The following L3HYPDH variants were observed in gnomAD, a reference collection of about 807,000 sequenced individuals.
The protein encoded by L3HYPDH is trans-L-3-hydroxyproline dehydratase.
A neutral mutation model predicts 26.5 loss-of-function variants in L3HYPDH; 32 were observed. The ratio of observed to expected loss-of-function variants is 1.21; its 90% CI spans 0.91 to 1.62. The LOEUF (loss-of-function observed/expected upper bound fraction) is 1.62, where lower values mean the gene tolerates loss of function less well. Among genes scored for constraint, L3HYPDH ranks in the 40% most tolerant of loss-of-function variants. The pLI is 0.00. For missense variants in L3HYPDH, 554 were observed against 476.4 expected (o/e 1.16, Z -1.52); for synonymous variants, 215 against 196.6 (o/e 1.09, Z -0.78).
intron 1 of L3HYPDH, chr14:59,483,485 C>A: frequency 7.9e-7 from 1 of 1,272,646 alleles, no homozygotes; most frequent in Non-Finnish European, 9.9e-7. Context: ...TTGACCCCAC[C>A]GTACCTTGCT....
chr14:59,484,652 C>T (rs184526148), upstream of L3HYPDH: 4,888 of 1,549,592 alleles, frequency 3.2e-3, 14 homozygotes, highest in Non-Finnish European at 3.9e-3. Context: ...CTTTCCTACA[C>T]GGCTGGCCTC....
At chr14:59,469,363 G>A (rs1290984195), downstream of L3HYPDH, among the ~76,000 whole-genome samples, 9 of 151,898 alleles carry the variant, frequency 5.9e-5, no homozygotes, top group Admixed American at 1.3e-4. Flanking sequence ...GGCCAGCCTG[G>A]CCAACAGGGT....
At position 59,472,822 on chromosome 14, in the gene L3HYPDH, A is replaced by G. The variant is rs951499774; in HGVS notation, c.*143T>C. Reference sequence around the variant, plus strand: ...TGCAAATACGAGGTATAATGACTTTATATTTAGCCACAGGGTAGTATTTTA... The same window carrying G: ...TGCAAATACGAGGTATAATGACTTTGTATTTAGCCACAGGGTAGTATTTTA... On this transcript the variant is annotated 3_prime_UTR_variant, in exon 5 of 5. Transcript: ENST00000247194. The G allele has an allele frequency of 1.6e-6, 1 of 630,466 alleles. No homozygotes were observed. The highest frequency in any genetic ancestry group is 1.9e-5 in the African/African-American group (1 of 51,930). The allele number at this position is 630,466 out of a possible 1,614,324, so 39.1% of individuals were successfully genotyped here.
Position 59,475,922 on chromosome 14 carries a change from T to A in L3HYPDH, c.886A>T (p.Arg296Ter). Residue 296 changes from arginine to a stop codon, truncating the protein, a stop_gained, in exon 4 of 5, where the codon AGA becomes TGA. Transcript: ENST00000247194. LOFTEE classifies it high-confidence loss of function. ...HKGLLELNQM[R>*]AFKSSATGSV... The stretch of plus-strand genomic sequence containing the variant: ...CCAGTTGCACTGCTTTTGAAGGCTC[T>A]CATCTGGTTCAGTTCCAGAAGCCCT... The A allele has an allele frequency of 6.2e-7, 1 of 1,613,888 alleles. No individual in the cohort carries two copies. Among genetic ancestry groups the A allele is most frequent in the Non-Finnish European group, 8.5e-7 (1 of 1,179,898 alleles).
the L3HYPDH span, chr14:59,504,148 G>T: frequency 1.2e-6 from 1 of 825,614 alleles, no homozygotes; most frequent in East Asian, 2.5e-5. Context: ...CAGTGTATGA[G>T]AACTATTCTA....
the L3HYPDH span, among the ~76,000 whole-genome samples, chr14:59,496,719 T>C: frequency 5.3e-5 from 8 of 152,230 alleles, no homozygotes; most frequent in African/African-American, 1.7e-4. Flanking sequence ...CACAGCTTCA[T>C]TGATTAGGAC....
intron 1 of L3HYPDH, among the ~76,000 whole-genome samples, chr14:59,481,367 G>A (rs1171695348): frequency 6.6e-6 from 1 of 152,152 alleles, no homozygotes; most frequent in Non-Finnish European, 1.5e-5. Context: ...ACAGCCCTGA[G>A]AGGTAGGTAC....
At position 59,483,994 on chromosome 14, in the gene L3HYPDH, A is replaced by T. The variant is rs781755181; in HGVS notation, c.323T>A (p.Val108Glu). Residue 108 changes from valine to glutamate, a missense_variant, in exon 1 of 5, where the codon GTG (valine) becomes GAG (glutamate). Transcript: ENST00000247194. Reference sequence around the variant, plus strand: ...CAAAGCGAAGCGGCCCAGCGCCAGCACTGCGTGGCCGCACATGGAGCTGTA... The same window carrying T: ...CAAAGCGAAGCGGCCCAGCGCCAGCTCTGCGTGGCCGCACATGGAGCTGTA... ...EGYSSMCGHAVLALGRFALDF... is the reference protein window; with the variant it reads ...EGYSSMCGHAELALGRFALDF... 1 of 1,593,066 alleles carries T rather than the reference A, an allele frequency of 6.3e-7. No homozygotes were observed. The highest frequency in any genetic ancestry group is 1.7e-5 in the Admixed American group (1 of 58,534).
chr14:59,492,744 A>G, the L3HYPDH span, among the ~76,000 whole-genome samples: 2 of 152,046 alleles, frequency 1.3e-5, no homozygotes, highest in African/African-American at 2.4e-5. Context: ...GTCTTTGCCC[A>G]AAGTATCTAA....
chr14:59,505,254 A>G, the L3HYPDH span: 1 of 1,496,440 alleles, frequency 6.7e-7, no homozygotes, highest in South Asian at 1.3e-5. Context: ...TTGTTAATGT[A>G]TTTTTCTCAG....
chr14:59,495,078 C>T, the L3HYPDH span: 1 of 1,613,872 alleles, frequency 6.2e-7, no homozygotes. Context: ...CAGCTATTAT[C>T]ACCTTACTTG....
Position 59,479,263 on chromosome 14 carries a change from C to A in L3HYPDH, c.597G>T (p.Lys199Asn), listed in dbSNP as rs763459368. 5.6e-6 allele frequency: 9 copies of A among 1,613,834 alleles called. No individual in the cohort carries two copies. The highest frequency in any genetic ancestry group is 6.8e-6 in the Non-Finnish European group (8 of 1,179,966). The change falls in exon 2 of 5, where the codon AAG becomes AAT. Residue 199 changes from lysine to asparagine, a missense_variant. Transcript: ENST00000247194. ...GAFYAFVTAE[K>N]LGLDICSAKT... The stretch of plus-strand genomic sequence containing the variant: ...TTGCAGAACAAATGTCTAGTCCTAA[C>A]TTTTCAGCAGTAACAAATGCATAAA...
chr14:59,493,607 TAAA>T, the L3HYPDH span, among the ~76,000 whole-genome samples: 1 of 152,216 alleles, frequency 6.6e-6, no homozygotes, highest in Non-Finnish European at 1.5e-5. Context: ...GACAGTTTAA[TAAA>T]AAGGTTGACT....
chr14:59,465,670 TG>T (rs113686847), intron 1 of L3HYPDH, among the ~76,000 whole-genome samples: 5 of 150,896 alleles, frequency 3.3e-5, no homozygotes, highest in Admixed American at 1.3e-4. Flanking sequence ...TGGGGAGTGG[TG>T]GGGGGGGCAC....
chr14:59,472,331 C>G (rs2139794933), downstream of L3HYPDH, among the ~76,000 whole-genome samples: 1 of 152,236 alleles, frequency 6.6e-6, no homozygotes, highest in South Asian at 2.1e-4. Flanking sequence ...TTTATAAAAG[C>G]CCTGAAGATA....
the L3HYPDH span, among the ~76,000 whole-genome samples, chr14:59,493,892 C>T: frequency 3.3e-5 from 5 of 151,968 alleles, no homozygotes; most frequent in Non-Finnish European, 5.9e-5. Flanking sequence ...AAAACACAGA[C>T]AATTATATAT....
At chr14:59,484,550 G>T (rs759227100), upstream of L3HYPDH, 5 of 1,565,292 alleles carry the variant, frequency 3.2e-6, no homozygotes, top group Non-Finnish European at 3.5e-6. Context: ...TGCCAGATCC[G>T]CTGATCTAGT....
At chr14:59,497,225 C>G in the L3HYPDH span, among the ~76,000 whole-genome samples, 2 of 151,880 alleles carry the variant, frequency 1.3e-5, no homozygotes, top group Non-Finnish European at 2.9e-5. Flanking sequence ...TAACTTACTG[C>G]AAAAAAATAA....
chr14:59,476,260 T>A (rs762205099), intron 2 of L3HYPDH, 46 bp from the exon 3 acceptor site: 1 of 1,397,762 alleles, frequency 7.2e-7, no homozygotes, highest in South Asian at 1.3e-5. Flanking sequence ...ATATTTTGAT[T>A]CAAATTTATA....
Sources: gnomAD v4.1 joint callset for allele counts (sites outside exome capture counted in the v4.1 genomes callset) on GRCh38, gnomAD v4.1.1 for gene constraint, MANE v1.5 for transcripts, NCBI Gene and HGNC (gene_info 2026-07-23, HGNC 2026-07-21) for gene names.